Variants in AGMO observed in about 807,000 individuals in gnomAD.
The protein encoded by AGMO is glyceryl-ether monooxygenase.
A neutral mutation model predicts 60.2 loss-of-function variants in AGMO; 75 were observed. The ratio of observed to expected loss-of-function variants is 1.25; its 90% CI spans 1.03 to 1.51. The LOEUF is 1.51. Ranked by LOEUF, AGMO falls within the 40% of genes most tolerant of loss-of-function variation. The pLI, the probability that AGMO is intolerant of heterozygous loss-of-function variation, is 0.00. For missense variants in AGMO, 763 were observed against 525.5 expected, an observed-to-expected ratio of 1.45 and a Z score of -4.42; for synonymous variants, 261 against 177.1, an observed-to-expected ratio of 1.47 and a Z score of -3.76.
chr7:15,553,390 T>C (rs1311263683), intron 2 of AGMO, among the ~76,000 whole-genome samples: 1 of 151,190 alleles, frequency 6.6e-6, no homozygotes, highest in South Asian at 2.1e-4. Flanking sequence ...CAAAGTGTAG[T>C]AGAAAGTTGA....
chr7:15,514,449 C>G (rs1283630740), intron 3 of AGMO, among the ~76,000 whole-genome samples: 1 of 152,080 alleles, frequency 6.6e-6, no homozygotes, highest in Non-Finnish European at 1.5e-5. Flanking sequence ...TTAATCTCAC[C>G]AAACGTTGAG....
the AGMO span, among the ~76,000 whole-genome samples, chr7:15,153,282 A>G: frequency 6.6e-6 from 1 of 151,956 alleles, no homozygotes; most frequent in African/African-American, 2.4e-5. Context: ...TTTTCTCCCA[A>G]ACTGTAGTTA....
At chr7:15,395,698 TATGA>T (rs1160216865) in intron 5 of AGMO, among the ~76,000 whole-genome samples, 2 of 152,220 alleles carry the variant, frequency 1.3e-5, no homozygotes, top group East Asian at 1.9e-4. Context: ...ATTCTAATTT[TATGA>T]ATGTTTGAAA....
At chr7:15,369,074 CT>C in intron 10 of AGMO, among the ~76,000 whole-genome samples, 1 of 152,104 alleles carries the variant, frequency 6.6e-6, no homozygotes, top group Non-Finnish European at 1.5e-5. Context: ...TGGTCCTTAA[CT>C]TTTTCTGTCA....
At chr7:15,412,475 C>G (rs906324797) in intron 5 of AGMO, among the ~76,000 whole-genome samples, 5 of 151,860 alleles carry the variant, frequency 3.3e-5, no homozygotes, top group African/African-American at 1.2e-4. Flanking sequence ...TATCTGCATA[C>G]AAAGTGCCCT....
At position 15,407,806 on chromosome 7, in the gene AGMO, TGAGA is replaced by T. The variant is rs907205861; in HGVS notation, c.609+10748_609+10751del. Among the ~76,000 whole-genome samples the T allele has an allele frequency of 5.9e-5, 9 of 151,690 alleles. 1 individual carries two copies. In the South Asian group the frequency reaches 8.3e-4, roughly 14 times the overall value. ...TGCTATCATGGAATTCAGAGAATAA[TGAGA>T]GAGAGAGTTAAGCAACAAATACAAC... On this transcript the variant is annotated intron_variant, in intron 5 of 12. Transcript: ENST00000342526.
chr7:15,303,469 T>G (rs1583384193), intron 12 of AGMO, among the ~76,000 whole-genome samples: 1 of 150,554 alleles, frequency 6.6e-6, no homozygotes, highest in African/African-American at 2.4e-5. Context: ...GTGGTGAACA[T>G]CTGGGGTGGT....
Position 15,520,010 on chromosome 7 carries a change from A to T in AGMO, c.409+24762T>A, listed in dbSNP as rs1333661336. Among the ~76,000 whole-genome samples the T allele has an allele frequency of 1.1e-4, 16 of 151,922 alleles. No individual in the cohort carries two copies. In the East Asian group the frequency reaches 2.5e-3, roughly 24 times the overall value. On this transcript the variant is annotated intron_variant, in intron 3 of 12. Transcript: ENST00000342526. ...AAAAAAAAAAAAAAGAACCAAAAAA[A>T]AAAGAAAAAAGAAAAGAAAAATGCA...
chr7:15,234,983 T>A (rs568076636), intron 12 of AGMO, among the ~76,000 whole-genome samples: 1 of 152,266 alleles, frequency 6.6e-6, no homozygotes, highest in African/African-American at 2.4e-5. Context: ...TCTCCTACCC[T>A]ATGGTTTTGC....
At chr7:15,329,452 G>T (rs570646025) in intron 12 of AGMO, among the ~76,000 whole-genome samples, 1 of 152,260 alleles carries the variant, frequency 6.6e-6, no homozygotes, top group Non-Finnish European at 1.5e-5. Context: ...ACAAGAAATT[G>T]TCTATCCTTG....
At chr7:15,212,200 A>T (rs1286762184) in intron 12 of AGMO, among the ~76,000 whole-genome samples, 1 of 151,860 alleles carries the variant, frequency 6.6e-6, no homozygotes, top group Non-Finnish European at 1.5e-5. Context: ...TCTAAAATAA[A>T]TACATTATTC....
At chr7:15,159,556 G>C in the AGMO span, among the ~76,000 whole-genome samples, 1 of 152,082 alleles carries the variant, frequency 6.6e-6, no homozygotes, top group African/African-American at 2.4e-5. Flanking sequence ...GCCTTTCCTA[G>C]GGAAAACAGG....
intron 3 of AGMO, among the ~76,000 whole-genome samples, chr7:15,542,682 G>A (rs1253121079): frequency 6.6e-6 from 1 of 152,020 alleles, no homozygotes. Flanking sequence ...TTTATTTTAG[G>A]GAGAAAACTA....
At chr7:15,164,612 T>C in the AGMO span, among the ~76,000 whole-genome samples, 2 of 151,440 alleles carry the variant, frequency 1.3e-5, no homozygotes, top group African/African-American at 4.9e-5. Flanking sequence ...CCAACAAACG[T>C]ATGAAAAAAT....
At chr7:15,483,805 AT>A (rs951305255) in intron 3 of AGMO, among the ~76,000 whole-genome samples, 15 of 151,854 alleles carry the variant, frequency 9.9e-5, no homozygotes, top group African/African-American at 7.3e-5. Context: ...AAAACTCAGT[AT>A]TTTTTTTGAG....
chr7:15,229,716 TATTATATATAA>T (rs1782198764), intron 12 of AGMO, among the ~76,000 whole-genome samples: 1 of 121,852 alleles, frequency 8.2e-6, no homozygotes, highest in African/African-American at 4.6e-5. Context: ...ATATATATTA[TATTATATATAA>T]ATTATATATT....
chr7:15,410,950 C>A (rs1231666216), intron 5 of AGMO, among the ~76,000 whole-genome samples: 1 of 151,928 alleles, frequency 6.6e-6, no homozygotes, highest in African/African-American at 2.4e-5. Context: ...AATGTCCCCT[C>A]TGAAACTCAT....
At chr7:15,523,156 C>G (rs148940900) in intron 3 of AGMO, among the ~76,000 whole-genome samples, 4 of 152,108 alleles carry the variant, frequency 2.6e-5, no homozygotes, top group African/African-American at 9.7e-5. Context: ...CCATCTCACA[C>G]CAGTTAGAAT....
chr7:15,120,739 C>T, the AGMO span, among the ~76,000 whole-genome samples: 1 of 147,164 alleles, frequency 6.8e-6, no homozygotes, highest in African/African-American at 2.4e-5. Flanking sequence ...GCGACCTGAG[C>T]TAAGATAATA....
Sources: gnomAD v4.1 joint callset for allele counts (sites outside exome capture counted in the v4.1 genomes callset) on GRCh38, gnomAD v4.1.1 for gene constraint, MANE v1.5 for transcripts, NCBI Gene and HGNC (gene_info 2026-07-23, HGNC 2026-07-21) for gene names.